Variants in SBF2 observed in about 807,000 individuals in gnomAD.
The protein encoded by SBF2 is SET binding factor 2, also known as myotubularin-related protein 13.
A neutral mutation model predicts 225.2 loss-of-function variants in SBF2; 112 were observed. The observed-to-expected ratio is 0.50, with a 90% CI of 0.43 to 0.58. The LOEUF is 0.58. SBF2 is among the 20% of genes least tolerant of loss of function. SBF2 has a pLI of 0.00. For missense variants in SBF2, 1,996 were observed against 2,206.2 expected, an observed-to-expected ratio of 0.90 and a Z score of 1.91; for synonymous variants, 763 against 773.3, an observed-to-expected ratio of 0.99 and a Z score of 0.22.
intron 17 of SBF2, among the ~76,000 whole-genome samples, chr11:9,894,439 C>T (rs1861078613): frequency 6.6e-6 from 1 of 151,944 alleles, no homozygotes; most frequent in South Asian, 2.1e-4. Context: ...ATCACTTGAA[C>T]CTGGGAGGTG....
At chr11:10,073,142 C>T (rs1299122001) in intron 2 of SBF2, among the ~76,000 whole-genome samples, 1 of 151,976 alleles carries the variant, frequency 6.6e-6, no homozygotes. Flanking sequence ...ATGGGATCTA[C>T]AGGGTTGCTG....
intron 16 of SBF2, among the ~76,000 whole-genome samples, chr11:9,955,983 C>CT (rs1218361587): frequency 2.6e-5 from 4 of 151,760 alleles, no homozygotes; most frequent in South Asian, 4.2e-4. Context: ...TTGAATTGTC[C>CT]TTTTTTTTCT....
intron 2 of SBF2, among the ~76,000 whole-genome samples, chr11:10,080,423 T>G (rs1021247755): frequency 2.6e-5 from 4 of 151,598 alleles, no homozygotes; most frequent in Non-Finnish European, 5.9e-5. Context: ...AGGTTGACAC[T>G]CTCCATCCTA....
chr11:10,210,345 G>A (rs1468552819), intron 1 of SBF2, among the ~76,000 whole-genome samples: 1 of 151,732 alleles, frequency 6.6e-6, no homozygotes, highest in Non-Finnish European at 1.5e-5. Flanking sequence ...AAGAAGAAGA[G>A]AAGAGGAAGA....
intron 3 of SBF2, among the ~76,000 whole-genome samples, chr11:10,033,079 G>A (rs1440731651): frequency 1.3e-5 from 2 of 152,036 alleles, no homozygotes; most frequent in Non-Finnish European, 1.5e-5. Context: ...TTATTACAAA[G>A]CAAAAACAAA....
intron 2 of SBF2, among the ~76,000 whole-genome samples, chr11:10,097,324 T>C (rs1952065096): frequency 6.6e-6 from 1 of 152,148 alleles, no homozygotes; most frequent in Non-Finnish European, 1.5e-5. Flanking sequence ...AAGAAATAAA[T>C]ATCTATTCTT....
chr11:10,089,467 T>C (rs950918243), intron 2 of SBF2, among the ~76,000 whole-genome samples: 14 of 152,150 alleles, frequency 9.2e-5, no homozygotes, highest in Admixed American at 6.6e-4. Context: ...TTTCCAACTA[T>C]TCATCAAAAT....
At chr11:9,902,434 G>A (rs1406036294) in intron 16 of SBF2, among the ~76,000 whole-genome samples, 4 of 152,108 alleles carry the variant, frequency 2.6e-5, no homozygotes, top group South Asian at 4.1e-4. Flanking sequence ...TCTTTAGGAC[G>A]AACCAAGGTA....
intron 2 of SBF2, among the ~76,000 whole-genome samples, chr11:10,101,411 A>G (rs11042627): frequency 0.22 from 33,438 of 152,070 alleles, 4,505 homozygotes; most frequent in Non-Finnish European, 0.31. Context: ...TTCCCCACAC[A>G]GTCTGTTGGG....
intron 14 of SBF2, among the ~76,000 whole-genome samples, chr11:9,964,230 A>ACC (rs1183037498): frequency 1.3e-5 from 2 of 152,232 alleles, no homozygotes; most frequent in Non-Finnish European, 2.9e-5. Context: ...GCTGGGTGAC[A>ACC]GAGTGAGACC....
chr11:10,073,211 G>A (rs563485503), intron 2 of SBF2, among the ~76,000 whole-genome samples: 137 of 152,228 alleles, frequency 9.0e-4, no homozygotes, highest in African/African-American at 3.1e-3. Flanking sequence ...AGGCTTATCT[G>A]AAGAGAAATA....
chr11:9,921,087 G>GGAGCTGGAGTTTTGCTCTTGTTGCCC, intron 16 of SBF2, among the ~76,000 whole-genome samples: 1 of 34,904 alleles, frequency 2.9e-5, no homozygotes, highest in African/African-American at 1.0e-4. Context: ...TTTTTTTTTT[G>GGAGCTGGAGTTTTGCTCTTGTTGCCC]GAGCTGGAGT....
intron 30 of SBF2, among the ~76,000 whole-genome samples, chr11:9,809,824 G>GCGTT (rs751829336): frequency 1.6e-4 from 25 of 152,196 alleles, no homozygotes; most frequent in Non-Finnish European, 2.5e-4. Flanking sequence ...AGCATTACAG[G>GCGTT]CGTGAACCAC....
chr11:10,078,795 A>T (rs867292304), intron 2 of SBF2, among the ~76,000 whole-genome samples: 3 of 152,090 alleles, frequency 2.0e-5, no homozygotes, highest in Non-Finnish European at 2.9e-5. Context: ...AAACAAATTT[A>T]AAAAAATTGC....
chr11:10,194,421 C>A (rs1337866733), intron 1 of SBF2, among the ~76,000 whole-genome samples: 1 of 152,120 alleles, frequency 6.6e-6, no homozygotes, highest in African/African-American at 2.4e-5. Flanking sequence ...ACTTGAGCAT[C>A]CATGGATTTT....
chr11:10,055,687 C>T (rs1047546179), intron 2 of SBF2, among the ~76,000 whole-genome samples: 7 of 152,034 alleles, frequency 4.6e-5, no homozygotes, highest in African/African-American at 9.7e-5. Context: ...AAACCAAATA[C>T]CACATTTTTT....
intron 2 of SBF2, among the ~76,000 whole-genome samples, chr11:10,064,034 A>G (rs1486460804): frequency 6.6e-6 from 1 of 152,166 alleles, no homozygotes; most frequent in Non-Finnish European, 1.5e-5. Context: ...AACAATGAAG[A>G]ATACCAGATG....
chr11:10,129,479 G>A (rs1173922573), intron 2 of SBF2, among the ~76,000 whole-genome samples: 1 of 152,068 alleles, frequency 6.6e-6, no homozygotes, highest in Non-Finnish European at 1.5e-5. Context: ...TAGGAAGTGA[G>A]AAAACTAAAA....
In SBF2 at chr11:10,184,897, T is replaced by G. The variant is rs565761921; in HGVS notation, c.141+9005A>C. 1.1e-3 allele frequency among the ~76,000 whole-genome samples: 171 copies of G among 152,256 alleles called. 1 individual carries two copies. The highest frequency in any genetic ancestry group is 3.4e-3 in the Middle Eastern group (1 of 294). On this transcript the variant is annotated intron_variant, in intron 2 of 39. Transcript: ENST00000256190. Reference sequence around the variant, plus strand: ...GCCCACCACCACGCCCGGCTAATTTTTTGTATTTTTAGTAGAGACGGGGTT... The same window carrying G: ...GCCCACCACCACGCCCGGCTAATTTGTTGTATTTTTAGTAGAGACGGGGTT...
Sources: gnomAD v4.1 joint callset for allele counts (sites outside exome capture counted in the v4.1 genomes callset) on GRCh38, gnomAD v4.1.1 for gene constraint, MANE v1.5 for transcripts, NCBI Gene and HGNC (gene_info 2026-07-23, HGNC 2026-07-21) for gene names.